Variants in ANO2 observed in about 807,000 individuals in gnomAD.
The protein encoded by ANO2 is anoctamin 2.
A neutral mutation model predicts 124.2 loss-of-function variants in ANO2; 101 were observed. The observed-to-expected ratio is 0.81, with a 90% confidence interval of 0.69 to 0.96. The LOEUF (loss-of-function observed/expected upper bound fraction) is 0.96, where lower values mean the gene tolerates loss of function less well. ANO2 is among the 40% of genes least tolerant of loss of function. ANO2 has a pLI of 0.00. For missense variants in ANO2, 1,293 were observed against 1,274.5 expected (o/e 1.01, Z -0.22); for synonymous variants, 486 against 482.5 (o/e 1.01, Z -0.09).
At chr12:5,623,254 G>C (rs1371879430) in intron 16 of ANO2, among the ~76,000 whole-genome samples, 2 of 152,118 alleles carry the variant, frequency 1.3e-5, no homozygotes, top group East Asian at 3.9e-4. Flanking sequence ...AATGGAGAGA[G>C]GGTGAGGAGA....
intron 10 of ANO2, among the ~76,000 whole-genome samples, chr12:5,768,636 C>T (rs778518482): frequency 3.3e-5 from 5 of 152,222 alleles, no homozygotes; most frequent in South Asian, 2.1e-4. Context: ...CTCCTCAGCC[C>T]TCTACTACCA....
At chr12:5,762,301 T>C (rs1272080930) in intron 10 of ANO2, among the ~76,000 whole-genome samples, 2 of 152,006 alleles carry the variant, frequency 1.3e-5, no homozygotes, top group Non-Finnish European at 2.9e-5. Context: ...CTGGGTCTGT[T>C]AGTAAATATT....
At chr12:5,627,160 T>C (rs1388686593) in intron 16 of ANO2, among the ~76,000 whole-genome samples, 1 of 152,190 alleles carries the variant, frequency 6.6e-6, no homozygotes, top group African/African-American at 2.4e-5. Context: ...GTTTTATTAG[T>C]AGTCACAGCC....
At position 5,904,479 on chromosome 12, in the gene ANO2, C is replaced by G. The variant is rs1215167376; in HGVS notation, c.534+16561G>C. On this transcript the variant is annotated intron_variant, in intron 3 of 24. Coordinates refer to ENST00000682330, the MANE Select transcript of ANO2 (RefSeq NM_001364791.2). This position sits in a 1 kb window ranked among gnomAD's most constrained non-coding sequence, Gnocchi z 4.1. ...GAGTGTGCCCAGGGCAGACGCCTCG[C>G]AGGCCCACCATCACCTCTCCTGATG... Among the ~76,000 whole-genome samples, 1 of 152,204 alleles carries G rather than the reference C, an allele frequency of 6.6e-6. No individual in the cohort carries two copies. Among genetic ancestry groups the G allele is most frequent in the African/African-American group, 2.4e-5 (1 of 41,454 alleles).
At chr12:5,704,688 G>GGTGTGTGT (rs1026475300) in intron 14 of ANO2, among the ~76,000 whole-genome samples, 1 of 130,384 alleles carries the variant, frequency 7.7e-6, no homozygotes, top group Non-Finnish European at 1.6e-5. Flanking sequence ...GTAAGTGCTT[G>GGTGTGTGT]GTGTGTGTAT....
intron 23 of ANO2, among the ~76,000 whole-genome samples, chr12:5,572,175 C>A (rs1942166021): frequency 6.6e-6 from 1 of 152,206 alleles, no homozygotes; most frequent in Non-Finnish European, 1.5e-5. Context: ...ACAGGACCAG[C>A]ATCCTCTCCT....
chr12:5,731,052 G>A (rs1417006182), intron 14 of ANO2, among the ~76,000 whole-genome samples: 2 of 152,148 alleles, frequency 1.3e-5, no homozygotes, highest in East Asian at 3.9e-4. Flanking sequence ...CACAATTCCG[G>A]TTCCTTGGCA....
intron 20 of ANO2, among the ~76,000 whole-genome samples, chr12:5,583,513 C>T (rs61910060): frequency 4.0e-5 from 6 of 151,052 alleles, no homozygotes; most frequent in African/African-American, 7.3e-5. Flanking sequence ...ATTAGCCGGG[C>T]GCAGTGGCGG....
intron 14 of ANO2, among the ~76,000 whole-genome samples, chr12:5,727,963 C>T (rs912925656): frequency 5.3e-5 from 8 of 152,106 alleles, no homozygotes; most frequent in Admixed American, 3.3e-4. Flanking sequence ...CCCGCCACCA[C>T]GCCCAGCTAA....
At chr12:5,809,939 T>C (rs563784808) in intron 7 of ANO2, among the ~76,000 whole-genome samples, 27 of 152,356 alleles carry the variant, frequency 1.8e-4, no homozygotes, top group African/African-American at 6.0e-4. Flanking sequence ...ACTGCTTTGT[T>C]GAGCATTCTA....
At chr12:5,842,076 T>G (rs1352902985) in intron 4 of ANO2, among the ~76,000 whole-genome samples, 1 of 152,002 alleles carries the variant, frequency 6.6e-6, no homozygotes, top group Non-Finnish European at 1.5e-5. Context: ...GATGAGGTCT[T>G]GCTTTGTTGG....
At chr12:5,810,903 C>T (rs1341232622) in intron 7 of ANO2, among the ~76,000 whole-genome samples, 1 of 152,196 alleles carries the variant, frequency 6.6e-6, no homozygotes, top group Non-Finnish European at 1.5e-5. Context: ...AGAAACATGA[C>T]CAGGGAAGGC....
At chr12:5,902,558 C>T (rs1239400461) in intron 3 of ANO2, among the ~76,000 whole-genome samples, 1 of 123,192 alleles carries the variant, frequency 8.1e-6, no homozygotes, top group African/African-American at 3.2e-5. Context: ...CACTGCACTC[C>T]AGCCTGGCCA....
intron 3 of ANO2, among the ~76,000 whole-genome samples, chr12:5,892,765 G>C (rs187172285): frequency 1.3e-5 from 2 of 152,240 alleles, no homozygotes; most frequent in East Asian, 3.9e-4. Context: ...TTGGTTCAAA[G>C]AATTGCTAAA....
intron 14 of ANO2, among the ~76,000 whole-genome samples, chr12:5,653,653 G>C (rs956822899): frequency 6.6e-6 from 1 of 152,196 alleles, no homozygotes; most frequent in African/African-American, 2.4e-5. Flanking sequence ...CAAGCATCAT[G>C]CTAGCACCAG....
At chr12:5,894,812 G>A (rs747233810) in intron 3 of ANO2, among the ~76,000 whole-genome samples, 292 of 152,180 alleles carry the variant, frequency 1.9e-3, no homozygotes, top group Middle Eastern at 6.8e-3. Flanking sequence ...GATGGGTGGC[G>A]TTATTTCTGA....
rs185020606 is a variant in ANO2 at position 5,797,589 on chromosome 12, C to T, written c.1055+1918G>A. Among the ~76,000 whole-genome samples, 5 of 152,262 alleles carry T rather than the reference C, an allele frequency of 3.3e-5. No individual in the cohort carries two copies. The East Asian group carries it at 9.7e-4, about 29-fold the overall frequency. On this transcript the variant is annotated intron_variant, in intron 10 of 24. Transcript: ENST00000682330. ...ACCCTAGTGCTCCCCACCACCAGCC[C>T]TTCCATCACTTCTCTTTCCAGCAGT...
chr12:5,656,822 G>A (rs1459751846), intron 14 of ANO2, among the ~76,000 whole-genome samples: 1 of 152,200 alleles, frequency 6.6e-6, no homozygotes, highest in East Asian at 1.9e-4. Flanking sequence ...AGGCATGCAG[G>A]GCATGGCCTA....
chr12:5,668,391 T>C (rs1221435068), intron 14 of ANO2, among the ~76,000 whole-genome samples: 1 of 151,360 alleles, frequency 6.6e-6, no homozygotes, highest in Non-Finnish European at 1.5e-5. Context: ...CCCCACTTTT[T>C]AATGTTTTTT....
Sources: allele counts gnomAD v4.1 joint callset (sites outside exome capture counted in the v4.1 genomes callset), GRCh38; gene constraint gnomAD v4.1.1; non-coding constraint Gnocchi (gnomAD v3.1); transcripts MANE v1.5; gene names NCBI Gene and HGNC (gene_info 2026-07-23, HGNC 2026-07-21).